Variants in NPHP3 observed in about 807,000 individuals in gnomAD.
NPHP3 encodes the protein nephrocystin 3, also known as nephrocystin-3.
In NPHP3, 123 loss-of-function variants were observed where a neutral mutation model predicts 171.9. The observed-to-expected ratio is 0.72, with a 90% CI of 0.62 to 0.83. NPHP3 has a LOEUF of 0.83. Among genes scored for constraint, NPHP3 ranks in the 40% least tolerant of loss-of-function variants. NPHP3 has a pLI of 0.00. For missense variants in NPHP3, 1,506 were observed against 1,591.9 expected (o/e 0.95, Z 0.92); for synonymous variants, 558 against 579.2 (o/e 0.96, Z 0.52).
In NPHP3 at chr3:132,722,372, A is replaced by G. The variant is rs1328030625; in HGVS notation, c.-17T>C. 3.8e-6 allele frequency: 6 copies of G among 1,574,512 alleles called. No individual in the cohort carries two copies. In the South Asian group the frequency reaches 6.8e-5, roughly 18 times the overall value. On this transcript the variant is annotated 5_prime_UTR_variant, in exon 1 of 27. Transcript: ENST00000337331. ...GGTCCCCATGGCGTCCGTTGCCGCT[A>G]CTACCTAGTGAGTACCAGCAGGACT...
Position 132,699,384 on chromosome 3 carries a change from C to T in NPHP3, c.1954G>A (p.Val652Met). 6.2e-7 allele frequency: 1 copy of T among 1,612,038 alleles called. No homozygotes were observed. The highest frequency in any genetic ancestry group is 8.5e-7 in the Non-Finnish European group (1 of 1,178,896). ...GCTGGAGGGCATGTTTCTACATTCACAGAAACAATTACTCTTACATTCACT... is the reference window on the plus strand; with the variant it reads ...GCTGGAGGGCATGTTTCTACATTCATAGAAACAATTACTCTTACATTCACT... Reference protein sequence around the residue: ...LPVNVRVIVSVNVETCPPAWR... With the variant: ...LPVNVRVIVSMNVETCPPAWR... Residue 652 changes from valine to methionine, a missense_variant, in exon 13 of 27, where the codon GTG becomes ATG. By Grantham distance (21) the Val-to-Met change is conservative (BLOSUM62 1). Around this residue, in one of 3 missense-constraint regions of NPHP3, gnomAD observed 930 missense variants for 924.9 expected, o/e 1.01. Transcript: ENST00000337331.
Position 132,697,242 on chromosome 3 carries a change from A to T in NPHP3, c.2088+18T>A. The stretch of plus-strand genomic sequence containing the variant: ...AGATGAGAGAGTAAAAGATTGCATC[A>T]AAATGAAAAATACACACCTGCTCTT... On this transcript the variant is annotated intron_variant, in intron 14 of 26. Transcript: ENST00000337331. 1 of 1,504,688 alleles carries T rather than the reference A, an allele frequency of 6.6e-7. No homozygotes were observed. The highest frequency in any genetic ancestry group is 9.2e-7 in the Non-Finnish European group (1 of 1,082,168). 93.2% of individuals were successfully genotyped at this position (1,504,688 alleles called of 1,614,324 possible).
rs1239076717 is a variant in NPHP3, at chr3:132,700,080, C to T, written c.1744-19G>A. On this transcript the variant is annotated intron_variant, in intron 11 of 26. Transcript: ENST00000337331. ...GCATCAACTACAAGATAAGAACACA[C>T]ACAAACTGAAGTAGTTACACGTAGT... The T allele has an allele frequency of 1.2e-6, 2 of 1,613,614 alleles. No individual in the cohort carries two copies. The highest frequency in any genetic ancestry group is 1.7e-6 in the Non-Finnish European group (2 of 1,179,548).
At chr3:132,701,942 C>T (rs1173721223) in intron 9 of NPHP3, among the ~76,000 whole-genome samples, 1 of 152,152 alleles carries the variant, frequency 6.6e-6, no homozygotes, top group Non-Finnish European at 1.5e-5. Flanking sequence ...AAGAGAATGG[C>T]GTGAACCCGG....
intron 22 of NPHP3, 115 bp downstream of exon 22, chr3:132,687,036 C>A: frequency 3.2e-6 from 2 of 624,718 alleles, no homozygotes; most frequent in Non-Finnish European, 2.9e-6. Context: ...TAGTTCTCTT[C>A]TAAAAAACTA....
rs745946104 is a variant in NPHP3, at chr3:132,699,382, C to A, written c.1956G>T (p.Val652=). Residue 652 remains valine, a synonymous_variant, in exon 13 of 27, where the codon GTG becomes GTT. Coordinates refer to ENST00000337331, the MANE Select transcript of NPHP3 (RefSeq NM_153240.5). The part of the protein sequence containing the change: ...LPVNVRVIVS[V]NVETCPPAWR... ...ATGCTGGAGGGCATGTTTCTACATT[C>A]ACAGAAACAATTACTCTTACATTCA... 1 of 1,611,690 alleles carries A rather than the reference C, an allele frequency of 6.2e-7. No individual in the cohort carries two copies. Among genetic ancestry groups the A allele is most frequent in the Non-Finnish European group, 8.5e-7 (1 of 1,178,724 alleles).
chr3:132,683,548 A>C (rs1939084550), intron 24 of NPHP3, 24 bp from the exon 25 acceptor site: 4 of 1,592,176 alleles, frequency 2.5e-6, no homozygotes, highest in Non-Finnish European at 3.4e-6. Context: ...GTTAAATCTA[A>C]CAAAAATATA....
chr3:132,721,791 A>G, intron 1 of NPHP3, 172 bp downstream of exon 1: 2 of 886,686 alleles, frequency 2.3e-6, no homozygotes, highest in Non-Finnish European at 1.8e-6. Flanking sequence ...CCAAAAAAAG[A>G]GACAGAAAAA....
chr3:132,699,221 C>T lies in NPHP3; in HGVS notation c.1985+132G>A. On this transcript the variant is annotated intron_variant, in intron 13 of 26. Coordinates refer to ENST00000337331, the MANE Select transcript of NPHP3 (RefSeq NM_153240.5). ...AGATTGTATTTTTTTTTCATAAATT[C>T]ACCCACTTCTCCCCATCCTCACTGC... 4 of 658,082 alleles carry T rather than the reference C, an allele frequency of 6.1e-6. No individual in the cohort carries two copies. The Admixed American group carries it at 7.6e-5, about 13-fold the overall frequency. The allele number at this position is 658,082 out of a possible 1,614,324, so 40.8% of individuals were successfully genotyped here.
At position 132,704,326 on chromosome 3, in the gene NPHP3, C is replaced by T. The variant is rs1241694746; in HGVS notation, c.1396G>A (p.Gly466Ser). Residue 466 changes from glycine (G) to serine (S), a missense_variant, in exon 9 of 27, where the codon GGC (glycine) becomes AGC (serine). Around this residue, in one of 3 missense-constraint regions of NPHP3, gnomAD observed 930 missense variants for 924.9 expected, o/e 1.01. Coordinates refer to ENST00000337331, the MANE Select transcript of NPHP3 (RefSeq NM_153240.5). ...ENTDLETKDL[G>S]SEDSIPEEDD... ...TCTTCTGGAATGGAATCCTCACTGCCCAAATCCTTAGTCTCCAAGTCTGTG... is the reference window on the plus strand; with the variant it reads ...TCTTCTGGAATGGAATCCTCACTGCTCAAATCCTTAGTCTCCAAGTCTGTG... The T allele has an allele frequency of 6.2e-7, 1 of 1,614,032 alleles. No individual in the cohort carries two copies. Among genetic ancestry groups the T allele is most frequent in the African/African-American group, 1.3e-5 (1 of 74,912 alleles).
intron 5 of NPHP3, among the ~76,000 whole-genome samples, chr3:132,713,573 G>T (rs1013059324): frequency 6.6e-6 from 1 of 151,948 alleles, no homozygotes; most frequent in African/African-American, 2.4e-5. Context: ...TTTTGCTTTG[G>T]TATTTGTTTC....
chr3:132,705,845 A>G (rs764564201), intron 7 of NPHP3, 31 bp from the exon 8 acceptor site: 3 of 1,173,584 alleles, frequency 2.6e-6, no homozygotes, highest in South Asian at 2.5e-5. Context: ...AACAATGAGA[A>G]AAACCATAAT....
intron 8 of NPHP3, among the ~76,000 whole-genome samples, chr3:132,704,629 A>G (rs1363388865): frequency 1.3e-5 from 2 of 152,198 alleles, no homozygotes; most frequent in East Asian, 1.9e-4. Context: ...TTTGAATCCC[A>G]TGGAATTTGT....
intron 5 of NPHP3, among the ~76,000 whole-genome samples, chr3:132,713,819 C>A (rs1939977403): frequency 2.0e-5 from 3 of 152,126 alleles, no homozygotes; most frequent in Admixed American, 2.0e-4. Flanking sequence ...TTTTCAATTA[C>A]TGGATGGAAG....
At chr3:132,684,894 G>A in intron 23 of NPHP3, 100 bp from the exon 24 acceptor site, 7 of 1,383,610 alleles carry the variant, frequency 5.1e-6, no homozygotes, top group Non-Finnish European at 7.1e-6. Flanking sequence ...TTTATTCTTA[G>A]ATTCTAGTTA....
At chr3:132,721,722 G>A (rs918342129) in intron 1 of NPHP3, 1 of 691,768 alleles carries the variant, frequency 1.4e-6, no homozygotes, top group Non-Finnish European at 2.6e-6. Context: ...GGATCATTGA[G>A]CCCAGGAGTT....
At chr3:132,707,561 T>C (rs1939787833) in intron 7 of NPHP3, among the ~76,000 whole-genome samples, 1 of 152,174 alleles carries the variant, frequency 6.6e-6, no homozygotes, top group Admixed American at 6.5e-5. Context: ...TACCATCTGA[T>C]CATACAGATC....
Position 132,682,707 on chromosome 3 carries a change from G to C in NPHP3, c.3808C>G (p.Leu1270Val). The C allele has an allele frequency of 1.9e-6, 3 of 1,596,504 alleles. No homozygotes were observed. The highest frequency in any genetic ancestry group is 2.6e-6 in the Non-Finnish European group (3 of 1,164,186). Residue 1270 changes from leucine to valine, a missense_variant, in exon 26 of 27, where the codon CTT becomes GTT. Physicochemically the swap from Leu to Val is conservative, Grantham distance 32 (BLOSUM62 1). Around this residue, in one of 3 missense-constraint regions of NPHP3, gnomAD observed 569 missense variants for 648.1 expected, o/e 0.88. Coordinates refer to ENST00000337331, the MANE Select transcript of NPHP3 (RefSeq NM_153240.5). Reference sequence around the variant, plus strand: ...GAAAGTGAAAAAAATTCTTACCTAAGCACAGCTAAATTTTTCAGTGTTTCT... The same window carrying C: ...GAAAGTGAAAAAAATTCTTACCTAACCACAGCTAAATTTTTCAGTGTTTCT... ...VGETLKNLAVLSYEGGDFEKA... is the reference protein window; with the variant it reads ...VGETLKNLAVVSYEGGDFEKA...
At chr3:132,701,394 C>G in intron 10 of NPHP3, 36 bp downstream of exon 10, 1 of 1,397,294 alleles carries the variant, frequency 7.2e-7, no homozygotes, top group Non-Finnish European at 1.0e-6. Context: ...GTAATTCAAA[C>G]AATGACAACA....
Sources: allele counts gnomAD v4.1 joint callset (sites outside exome capture counted in the v4.1 genomes callset), GRCh38; gene constraint gnomAD v4.1.1; regional missense constraint gnomAD v4.1.1; transcripts MANE v1.5; gene names NCBI Gene and HGNC (gene_info 2026-07-23, HGNC 2026-07-21).